ZNF532: variants seen among roughly 807,000 people sequenced by gnomAD.
ZNF532 encodes the protein zinc finger protein 532.
In ZNF532, 22 loss-of-function variants were observed where a neutral mutation model predicts 89.3. That is an observed-to-expected ratio of 0.25 (90% confidence interval 0.18 to 0.35). The LOEUF is 0.35. ZNF532 is among the 10% of genes least tolerant of loss of function. The probability of loss-of-function intolerance (pLI) is 1.00; values close to 1 mark genes in which losing one functional copy is unlikely to be tolerated. For synonymous variants in ZNF532, 606 were observed against 649.6 expected, an observed-to-expected ratio of 0.93 and a Z score of 1.02; for missense variants, 1,132 against 1,643.4, an observed-to-expected ratio of 0.69 and a Z score of 5.38.
At chr18:58,883,344 T>C (rs1039416256) in intron 2 of ZNF532, among the ~76,000 whole-genome samples, 1 of 152,168 alleles carries the variant, frequency 6.6e-6, no homozygotes, top group African/African-American at 2.4e-5. Flanking sequence ...ATTCCAAAAG[T>C]GTTTTAAGTG....
At chr18:58,873,943 T>C (rs565142634) in intron 2 of ZNF532, among the ~76,000 whole-genome samples, 16 of 152,314 alleles carry the variant, frequency 1.1e-4, no homozygotes, top group African/African-American at 3.8e-4. Context: ...TTATGTAAAT[T>C]CTAAACCATA....
chr18:58,974,213 TA>T lies in ZNF532; in HGVS notation c.3151-4840del, dbSNP rs572816609. Among the ~76,000 whole-genome samples the T allele has an allele frequency of 2.6e-5, 4 of 152,364 alleles. No individual in the cohort carries two copies. In the East Asian group the frequency reaches 7.7e-4, roughly 29 times the overall value. ...AATATGAAGGAATATAGTGAAGTCTTAACTCCTAAGTTTCTTATCTTGAAGT... is the reference window on the plus strand; with the variant it reads ...AATATGAAGGAATATAGTGAAGTCTTACTCCTAAGTTTCTTATCTTGAAGT... On this transcript the variant is annotated intron_variant, in intron 7 of 9. Coordinates refer to ENST00000591808, the MANE Select transcript of ZNF532 (RefSeq NM_001375912.1).
intron 2 of ZNF532, among the ~76,000 whole-genome samples, chr18:58,910,704 G>A (rs2060225941): frequency 1.3e-5 from 2 of 151,890 alleles, no homozygotes; most frequent in African/African-American, 4.8e-5. Context: ...CAAACTCCTG[G>A]TCTCAAGTGA....
At chr18:58,871,544 G>C (rs1376092449) in intron 2 of ZNF532, among the ~76,000 whole-genome samples, 1 of 152,242 alleles carries the variant, frequency 6.6e-6, no homozygotes, top group Non-Finnish European at 1.5e-5. Flanking sequence ...GTGCTGTTCT[G>C]CCTTGGGGGA....
chr18:58,887,801 C>T (rs1276038131), intron 2 of ZNF532, among the ~76,000 whole-genome samples: 1 of 152,132 alleles, frequency 6.6e-6, no homozygotes, highest in Non-Finnish European at 1.5e-5. Flanking sequence ...CACACCGAGT[C>T]GGGGCGAGCT....
At chr18:58,961,234 C>T (rs2065316218) in intron 7 of ZNF532, among the ~76,000 whole-genome samples, 1 of 152,256 alleles carries the variant, frequency 6.6e-6, no homozygotes, top group Non-Finnish European at 1.5e-5. Context: ...GATGCTGATG[C>T]TGATGCTGCT....
intron 3 of ZNF532, 114 bp from the exon 4 acceptor site, chr18:58,934,319 A>T: frequency 1.0e-6 from 1 of 965,514 alleles, no homozygotes; most frequent in Non-Finnish European, 1.6e-6. Context: ...AGAATCAATT[A>T]CTGTAGTGTT....
intron 2 of ZNF532, among the ~76,000 whole-genome samples, chr18:58,876,990 TTAGAGGCTGCAGTGAGC>T (rs2057481124): frequency 6.6e-6 from 1 of 151,818 alleles, no homozygotes; most frequent in African/African-American, 2.4e-5. Context: ...AGCCCAGGAG[TTAGAGGCTGCAGTGAGC>T]TAGGATCACA....
In ZNF532 at chr18:58,985,161, C is replaced by G. The variant is rs1265045497; in HGVS notation, c.*695C>G. The G allele has an allele frequency of 1.3e-5, 2 of 152,078 alleles. No homozygotes were observed. The highest frequency in any genetic ancestry group is 1.5e-5 in the Non-Finnish European group (1 of 68,008). The allele number at this position is 152,078 out of a possible 1,614,324, so 9.4% of individuals were successfully genotyped here. ...ATAAGGAATGCTGATTTCCTCAGTT[C>G]CATTTTGAGGAATGGGGAAGGCTAT... On this transcript the variant is annotated 3_prime_UTR_variant, in exon 10 of 10. Coordinates refer to ENST00000591808, the MANE Select transcript of ZNF532 (RefSeq NM_001375912.1).
chr18:58,953,700 C>G lies in ZNF532; in HGVS notation c.3051C>G (p.Thr1017=). The change falls in exon 7 of 10, where the codon ACC becomes ACG. Residue 1017 remains threonine (T), a synonymous_variant. Transcript: ENST00000591808. ...SPSPVKKSME[T]KKVASPGWTC... Reference sequence around the variant, plus strand: ...CTCCTGTGAAAAAATCAATGGAAACCAAGAAAGTGGCCAGTCCTGGGTGGA... The same window carrying G: ...CTCCTGTGAAAAAATCAATGGAAACGAAGAAAGTGGCCAGTCCTGGGTGGA... 1 of 1,613,942 alleles carries G rather than the reference C, an allele frequency of 6.2e-7. No individual in the cohort carries two copies. Among genetic ancestry groups the G allele is most frequent in the Non-Finnish European group, 8.5e-7 (1 of 1,179,888 alleles).
At chr18:58,930,719 C>T (rs1024305686) in intron 3 of ZNF532, among the ~76,000 whole-genome samples, 2 of 151,550 alleles carry the variant, frequency 1.3e-5, no homozygotes, top group Non-Finnish European at 2.9e-5. Flanking sequence ...TCTGAGAATG[C>T]TCAAGCCCCT....
intron 2 of ZNF532, among the ~76,000 whole-genome samples, chr18:58,893,008 G>A (rs561800009): frequency 6.9e-6 from 1 of 144,538 alleles, no homozygotes; most frequent in African/African-American, 2.6e-5. Flanking sequence ...TTGAGATGGA[G>A]TCTTGCTCTG....
chr18:58,974,252 G>A (rs2066796812), intron 7 of ZNF532, among the ~76,000 whole-genome samples: 1 of 152,154 alleles, frequency 6.6e-6, no homozygotes, highest in African/African-American at 2.4e-5. Flanking sequence ...CCTTATGCAA[G>A]TATTAGCATA....
chr18:58,890,253 T>C (rs8088130), intron 2 of ZNF532, among the ~76,000 whole-genome samples: 12,832 of 151,242 alleles, frequency 0.085, 1,059 homozygotes, highest in East Asian at 0.4. Flanking sequence ...ATATGAGTTA[T>C]ATATATATAC....
At chr18:58,895,785 A>G (rs1459803165) in intron 2 of ZNF532, among the ~76,000 whole-genome samples, 1 of 151,958 alleles carries the variant, frequency 6.6e-6, no homozygotes, top group Admixed American at 6.6e-5. Flanking sequence ...CCATTTCCCT[A>G]AAGGTGTCAT....
intron 5 of ZNF532, among the ~76,000 whole-genome samples, chr18:58,944,597 G>T (rs1294523545): frequency 6.6e-6 from 1 of 152,070 alleles, no homozygotes; most frequent in Non-Finnish European, 1.5e-5. Flanking sequence ...TGTGCAGAGT[G>T]GTCTCTCCAT....
chr18:58,963,404 G>A (rs1039355169), intron 7 of ZNF532, among the ~76,000 whole-genome samples: 27 of 152,170 alleles, frequency 1.8e-4, no homozygotes, highest in African/African-American at 6.0e-4. Context: ...CAGTGGCAGT[G>A]AAGGAAAGTG....
In ZNF532 at chr18:58,967,255, ATAGACCCTACACAGCTG is replaced by A. The variant is rs1296960063; in HGVS notation, c.3151-11799_3151-11783del. On this transcript the variant is annotated intron_variant, in intron 7 of 9. Transcript: ENST00000591808. ...TTGCCAGATAACAAAGCTTTCCCCG[ATAGACCCTACACAGCTG>A]CCAGAGCATCTCTTGGAAGTGTGAC... Among the ~76,000 whole-genome samples the A allele has an allele frequency of 2.6e-5, 4 of 152,086 alleles. No homozygotes were observed. The East Asian group carries it at 7.7e-4, about 29-fold the overall frequency.
chr18:58,892,274 TACTTGCTTTGGCTTTAA>T (rs2058955924), intron 2 of ZNF532, among the ~76,000 whole-genome samples: 1 of 152,242 alleles, frequency 6.6e-6, no homozygotes, highest in Non-Finnish European at 1.5e-5. Context: ...TTCTTGTGGT[TACTTGCTTTGGCTTTAA>T]ACTCTCTTTG....
Sources: allele counts gnomAD v4.1 joint callset (sites outside exome capture counted in the v4.1 genomes callset), GRCh38; gene constraint gnomAD v4.1.1; transcripts MANE v1.5; gene names NCBI Gene and HGNC (gene_info 2026-07-23, HGNC 2026-07-21).